ARSG: variants seen among roughly 807,000 people sequenced by gnomAD.
ARSG encodes the protein ASG.
Under a neutral mutation model 50.5 loss-of-function variants are expected in ARSG, and 37 were observed. That is an observed-to-expected ratio of 0.73 (90% CI 0.56 to 0.96). The LOEUF is 0.96. Ranked by LOEUF, ARSG falls within the 50% of genes least tolerant of loss-of-function variation. The pLI is 0.00. For missense variants in ARSG, 629 were observed against 675.3 expected, an observed-to-expected ratio of 0.93 and a Z score of 0.76; for synonymous variants, 225 against 254.6, an observed-to-expected ratio of 0.88 and a Z score of 1.11.
intron 2 of ARSG, among the ~76,000 whole-genome samples, chr17:68,341,627 A>G (rs1442769159): frequency 2.0e-5 from 3 of 152,092 alleles, no homozygotes; most frequent in Non-Finnish European, 4.4e-5. Flanking sequence ...CTGTGGCTCT[A>G]TTCATCTATT....
chr17:68,368,290 C>T, intron 6 of ARSG, among the ~76,000 whole-genome samples: 1 of 152,224 alleles, frequency 6.6e-6, no homozygotes, highest in East Asian at 1.9e-4. Context: ...GAGGACGAAC[C>T]TAGACAATGT....
chr17:68,445,104 G>A, the ARSG span, among the ~76,000 whole-genome samples: 2 of 152,130 alleles, frequency 1.3e-5, no homozygotes, highest in South Asian at 4.2e-4. Flanking sequence ...ATTTTTAGTA[G>A]AGACGGGGTT....
the ARSG span, among the ~76,000 whole-genome samples, chr17:68,449,340 A>C: frequency 6.6e-5 from 10 of 152,236 alleles, no homozygotes; most frequent in Non-Finnish European, 1.0e-4. Flanking sequence ...CTGCCTTCAC[A>C]GTAATTTGGC....
At chr17:68,309,414 A>G (rs2076754615) in intron 2 of ARSG, among the ~76,000 whole-genome samples, 1 of 152,238 alleles carries the variant, frequency 6.6e-6, no homozygotes, top group Non-Finnish European at 1.5e-5. Context: ...GCCCAGGCAG[A>G]GGAGGCGCCG....
intron 1 of ARSG, among the ~76,000 whole-genome samples, chr17:68,277,931 C>T (rs2075576982): frequency 6.6e-6 from 1 of 152,162 alleles, no homozygotes; most frequent in Non-Finnish European, 1.5e-5. Context: ...TCTTGCCAAT[C>T]CTCAATGCTC....
intron 1 of ARSG, chr17:68,267,070 T>C (rs1449072857): frequency 6.6e-6 from 1 of 152,204 alleles, no homozygotes; most frequent in Non-Finnish European, 1.5e-5. Context: ...AATCTAGAAG[T>C]ACCAGAATGT....
intron 2 of ARSG, among the ~76,000 whole-genome samples, chr17:68,319,618 A>G (rs1490511004): frequency 5.3e-5 from 8 of 152,286 alleles, no homozygotes; most frequent in African/African-American, 1.9e-4. Flanking sequence ...TCCAATTGCT[A>G]TTAATAGTTC....
At chr17:68,345,194 G>A (rs185286657) in intron 3 of ARSG, among the ~76,000 whole-genome samples, 152 of 152,322 alleles carry the variant, frequency 1.0e-3, no homozygotes, top group Non-Finnish European at 1.7e-3. Context: ...ACAGCCAGCT[G>A]AACGAAGTGG....
At chr17:68,323,623 A>G (rs782639359) in intron 2 of ARSG, among the ~76,000 whole-genome samples, 4 of 152,082 alleles carry the variant, frequency 2.6e-5, no homozygotes, top group African/African-American at 4.8e-5. Flanking sequence ...TCTAAATCTA[A>G]TTACCACCTA....
At chr17:68,388,486 C>T (rs547694659) in intron 9 of ARSG, among the ~76,000 whole-genome samples, 2 of 152,232 alleles carry the variant, frequency 1.3e-5, no homozygotes, top group African/African-American at 4.8e-5. Context: ...CTCTCTTAGC[C>T]ATATACAAGA....
At chr17:68,397,039 G>A (rs968510931) in intron 10 of ARSG, among the ~76,000 whole-genome samples, 1 of 152,176 alleles carries the variant, frequency 6.6e-6, no homozygotes. Context: ...CAAGGACTGT[G>A]CTCTCCTTGA....
chr17:68,300,637 A>G (rs1192471264), intron 1 of ARSG, among the ~76,000 whole-genome samples: 1 of 152,132 alleles, frequency 6.6e-6, no homozygotes, highest in Admixed American at 6.5e-5. Flanking sequence ...TAATTTCCGC[A>G]GGGCTACTGG....
upstream of ARSG, among the ~76,000 whole-genome samples, chr17:68,288,253 G>C (rs1214457956): frequency 6.6e-6 from 1 of 152,000 alleles, no homozygotes; most frequent in Admixed American, 6.6e-5. Context: ...GCCCGCCTCA[G>C]CCTCCCAAAG....
chr17:68,358,881 C>T (rs917501058), intron 6 of ARSG, among the ~76,000 whole-genome samples: 1 of 150,222 alleles, frequency 6.7e-6, no homozygotes, highest in Non-Finnish European at 1.5e-5. Context: ...CCCCCAAAAC[C>T]GGCTGGGCGT....
At chr17:68,365,891 G>A (rs1269937836) in intron 6 of ARSG, among the ~76,000 whole-genome samples, 1 of 152,140 alleles carries the variant, frequency 6.6e-6, no homozygotes, top group Non-Finnish European at 1.5e-5. Flanking sequence ...GTTGGGAAGT[G>A]ATAAATGGTG....
At chr17:68,358,927 G>C (rs1338281611) in intron 6 of ARSG, among the ~76,000 whole-genome samples, 1 of 152,154 alleles carries the variant, frequency 6.6e-6, no homozygotes, top group African/African-American at 2.4e-5. Context: ...ACTTTGGGAG[G>C]CTGAGGCAGG....
At chr17:68,449,531 A>C in the ARSG span, among the ~76,000 whole-genome samples, 2 of 152,222 alleles carry the variant, frequency 1.3e-5, no homozygotes, top group African/African-American at 4.8e-5. Flanking sequence ...AAGGTGGCAG[A>C]GTTCTTATGA....
chr17:68,451,311 G>A, the ARSG span, among the ~76,000 whole-genome samples: 2 of 152,184 alleles, frequency 1.3e-5, no homozygotes, highest in African/African-American at 4.8e-5. Context: ...GTGCACACCT[G>A]TAATCTCAGC....
Position 68,399,945 on chromosome 17 carries a change from T to C in ARSG, c.1213-1415T>C, listed in dbSNP as rs2081401845. 6.6e-6 allele frequency among the ~76,000 whole-genome samples: 1 copy of C among 152,228 alleles called. No individual in the cohort carries two copies. The highest frequency in any genetic ancestry group is 6.5e-5 in the Admixed American group (1 of 15,284). ...AGAAGTGAGGGTTTTCAGTTACGAC[T>C]TCTTTTCCTGTTTGGAAGGAACCTG... On this transcript the variant is annotated intron_variant, in intron 10 of 11. Coordinates refer to ENST00000621439, the MANE Select transcript of ARSG (RefSeq NM_001267727.2). This position sits in a 1 kb window ranked among gnomAD's most constrained non-coding sequence, Gnocchi z 4.6.
Sources: allele counts gnomAD v4.1 joint callset (sites outside exome capture counted in the v4.1 genomes callset), GRCh38; gene constraint gnomAD v4.1.1; non-coding constraint Gnocchi (gnomAD v3.1); transcripts MANE v1.5; gene names NCBI Gene and HGNC (gene_info 2026-07-23, HGNC 2026-07-21).